Variants in FSIP2 observed in about 807,000 individuals in gnomAD.
FSIP2 encodes fibrous sheath interacting protein 2, also known as fibrous sheath-interacting protein 2.
In FSIP2, 367 loss-of-function variants were observed where a neutral mutation model predicts 510.5. The ratio of observed to expected loss-of-function variants is 0.72; its 90% CI spans 0.66 to 0.78. The LOEUF (loss-of-function observed/expected upper bound fraction) is 0.78. Ranked by LOEUF, FSIP2 falls within the 30% of genes least tolerant of loss-of-function variation. The pLI is 0.00. For missense variants in FSIP2, 7,594 were observed against 7,901.7 expected (o/e 0.96, Z 1.48); for synonymous variants, 2,601 against 2,732.2 (o/e 0.95, Z 1.50).
At position 185,788,795 on chromosome 2, in the gene FSIP2, A is replaced by AGAT. The variant is rs141318533; in HGVS notation, c.1660_1662dup (p.Asp554dup). The AGAT allele has an allele frequency of 0.012, 18,078 of 1,534,566 alleles. 128 individuals carry two copies. The highest frequency in any genetic ancestry group is 0.017 in the Middle Eastern group (102 of 5,986). ...TATCTGATGACTCCATCCTCTCTTC[A>AGAT]GATAGTTCAAGTTTCTGTAGCACGT... On this transcript the variant is annotated inframe_insertion, in exon 16 of 23. Coordinates refer to ENST00000424728, the MANE Select transcript of FSIP2 (RefSeq NM_173651.4).
At position 185,764,483 on chromosome 2, in the gene FSIP2, G is replaced by A; in HGVS notation, c.1348-19G>A. On this transcript the variant is annotated intron_variant, in intron 12 of 22. Transcript: ENST00000424728. ...TTTTTTTTGTGGATCTATTTGTTTT[G>A]CTGTTGTGAATTATGTAGAAGGAGA... The A allele has an allele frequency of 6.7e-7, 1 of 1,499,558 alleles. No individual in the cohort carries two copies. Among genetic ancestry groups the A allele is most frequent in the Non-Finnish European group, 8.9e-7 (1 of 1,120,496 alleles). 92.9% of individuals were successfully genotyped at this position (1,499,558 alleles called of 1,614,324 possible).
At chr2:185,798,300 C>T (rs891839982) in intron 16 of FSIP2, among the ~76,000 whole-genome samples, 1 of 151,804 alleles carries the variant, frequency 6.6e-6, no homozygotes, top group East Asian at 1.9e-4. Context: ...AATTGAATAT[C>T]TTGTTTTATT....
At chr2:185,760,934 T>A (rs970233984) in intron 9 of FSIP2, 54 bp from the exon 10 acceptor site, 22 of 586,870 alleles carry the variant, frequency 3.7e-5, no homozygotes, top group Middle Eastern at 7.6e-4. Flanking sequence ...TGTACTTTCC[T>A]AAAGCTGTTA....
intron 13 of FSIP2, among the ~76,000 whole-genome samples, chr2:185,767,719 C>A (rs543656747): frequency 2.4e-4 from 37 of 152,184 alleles, no homozygotes; most frequent in South Asian, 4.1e-4. Context: ...ACAGATAGAT[C>A]TATCTCTTGG....
Position 185,794,877 on chromosome 2 carries a change from C to G in FSIP2, c.7741C>G (p.Pro2581Ala). ...SDHNDSLLMK[P>A]LRFRETKQAG... ...CCACAATGATTCCTTACTAATGAAACCATTAAGGTTTAGAGAAACTAAACA... is the reference window on the plus strand; with the variant it reads ...CCACAATGATTCCTTACTAATGAAAGCATTAAGGTTTAGAGAAACTAAACA... The change falls in exon 16 of 23, where the codon CCA (proline) becomes GCA (alanine). Residue 2581 changes from proline to alanine, a missense_variant. Physicochemically the swap from Pro to Ala is conservative, Grantham distance 27. Transcript: ENST00000424728. The G allele has an allele frequency of 1.3e-6, 2 of 1,533,194 alleles. No individual in the cohort carries two copies. The highest frequency in any genetic ancestry group is 1.7e-6 in the Non-Finnish European group (2 of 1,144,876). The allele number at this position is 1,533,194 out of a possible 1,614,324, so 95.0% of individuals were successfully genotyped here. A position where few individuals can be genotyped will look rare whatever the true frequency, so the allele number is the denominator to read the frequency against.
At position 185,806,840 on chromosome 2, in the gene FSIP2, AG is replaced by A; in HGVS notation, c.17536del (p.Val5846PhefsTer39). On this transcript the variant is annotated frameshift_variant, in exon 17 of 23. Coordinates refer to ENST00000424728, the MANE Select transcript of FSIP2 (RefSeq NM_173651.4). LOFTEE classifies it high-confidence loss of function. ...AAGGAGTTCTCAGATGCTCAAATTA[AG>A]GTTTTCAGGCCAGATAAGGGAAATC... ...LLKEFSDAQIKVFRPDKGNQF... is the reference protein window; with the variant it reads ...LLKEFSDAQIXVFRPDKGNQF... 6.2e-7 allele frequency: 1 copy of A among 1,609,930 alleles called. No homozygotes were observed. Among genetic ancestry groups the A allele is most frequent in the Non-Finnish European group, 8.5e-7 (1 of 1,178,244 alleles).
At position 185,794,296 on chromosome 2, in the gene FSIP2, T is replaced by C; in HGVS notation, c.7160T>C (p.Ile2387Thr). ...YQNNILFQEN[I>T]IVSEIVDSML... The stretch of plus-strand genomic sequence containing the variant: ...AACAATATTTTGTTCCAAGAAAACA[T>C]CATTGTGAGTGAAATTGTTGACAGT... Residue 2387 changes from isoleucine (I) to threonine (T), a missense_variant, in exon 16 of 23, where the codon ATC (isoleucine) becomes ACC (threonine). Ile to Thr is a moderately conservative substitution (Grantham distance 89). Coordinates refer to ENST00000424728, the MANE Select transcript of FSIP2 (RefSeq NM_173651.4). 6.6e-7 allele frequency: 1 copy of C among 1,524,696 alleles called. No homozygotes were observed. The highest frequency in any genetic ancestry group is 8.8e-7 in the Non-Finnish European group (1 of 1,140,862). 94.4% of individuals were successfully genotyped at this position (1,524,696 alleles called of 1,614,324 possible). A position where few individuals can be genotyped will look rare whatever the true frequency, so the allele number is the denominator to read the frequency against.
rs781244504 is a variant in FSIP2 at position 185,794,247 on chromosome 2, A to G, written c.7111A>G (p.Ile2371Val). The G allele has an allele frequency of 2.6e-6, 4 of 1,533,954 alleles. No individual in the cohort carries two copies. Among genetic ancestry groups the G allele is most frequent in the East Asian group, 2.4e-5 (1 of 40,846 alleles). The change falls in exon 16 of 23, where the codon ATT (isoleucine) becomes GTT (valine). Residue 2371 changes from isoleucine to valine, a missense_variant. By Grantham distance (29) the Ile-to-Val change is conservative. Transcript: ENST00000424728. ...TATTAAAAATGACTTAGACTTAGAA[A>G]TTCAAAAGATATATCCATATCAAAA... ...KLIKNDLDLE[I>V]QKIYPYQNNI...
chr2:185,755,742 G>T (rs1325242778), intron 8 of FSIP2, among the ~76,000 whole-genome samples: 2 of 151,446 alleles, frequency 1.3e-5, no homozygotes, highest in Non-Finnish European at 3.0e-5. Flanking sequence ...AGGACCTTTT[G>T]CCACCTTAAT....
Position 185,803,547 on chromosome 2 carries a change from T to G in FSIP2, c.14241T>G (p.Leu4747=). ...TTGATTTCCAAATTCATCCAGATCT[T>G]ATAGCAAATCTGCCTTTTAAATCAC... is the stretch of plus-strand genomic sequence containing the variant. ...EIFDFQIHPD[L]IANLPFKSHS... The change falls in exon 17 of 23, where the codon CTT becomes CTG. Residue 4747 remains leucine, a synonymous_variant. Transcript: ENST00000424728. 1 of 1,533,180 alleles carries G rather than the reference T, an allele frequency of 6.5e-7. No individual in the cohort carries two copies. Among genetic ancestry groups the G allele is most frequent in the Non-Finnish European group, 8.7e-7 (1 of 1,144,962 alleles). 95.0% of individuals were successfully genotyped at this position (1,533,180 alleles called of 1,614,324 possible).
At chr2:185,772,135 C>T (rs1692618180) in intron 13 of FSIP2, among the ~76,000 whole-genome samples, 1 of 152,138 alleles carries the variant, frequency 6.6e-6, no homozygotes, top group Non-Finnish European at 1.5e-5. Flanking sequence ...CTGGACTTTG[C>T]TGTCTATATT....
chr2:185,788,674 A>C lies in FSIP2; in HGVS notation c.1538A>C (p.Gln513Pro), dbSNP rs1343308685. ...TCTGAAGAACTGAATATTATAATTC[A>C]GAATGTAATGACCTGGGTTGTGGCT... The part of the protein sequence containing the change: ...VTSEELNIII[Q>P]NVMTWVVATV... Residue 513 changes from glutamine to proline, a missense_variant, in exon 16 of 23, where the codon CAG becomes CCG. Coordinates refer to ENST00000424728, the MANE Select transcript of FSIP2 (RefSeq NM_173651.4). 7 of 1,519,842 alleles carry C rather than the reference A, an allele frequency of 4.6e-6. No individual in the cohort carries two copies. The highest frequency in any genetic ancestry group is 6.1e-6 in the Non-Finnish European group (7 of 1,140,566). The allele number at this position is 1,519,842 out of a possible 1,614,324, so 94.1% of individuals were successfully genotyped here.
upstream of FSIP2, among the ~76,000 whole-genome samples, chr2:185,737,526 G>A (rs1691808759): frequency 6.6e-6 from 1 of 152,168 alleles, no homozygotes; most frequent in South Asian, 2.1e-4. Context: ...ATAGAATCGG[G>A]CAAATTAATT....
At chr2:185,749,852 C>A (rs891102399) in intron 7 of FSIP2, among the ~76,000 whole-genome samples, 2 of 151,598 alleles carry the variant, frequency 1.3e-5, no homozygotes, top group African/African-American at 4.8e-5. Context: ...TTCTAGTTTG[C>A]TGAACATTTC....
Position 185,808,592 on chromosome 2 carries a change from T to C in FSIP2, c.19286T>C (p.Ile6429Thr). 1.2e-6 allele frequency: 2 copies of C among 1,609,648 alleles called. No individual in the cohort carries two copies. The highest frequency in any genetic ancestry group is 2.7e-5 in the African/African-American group (2 of 74,808). ...GTTGTCGATTCCGTTTATAGTAACA[T>C]ACTGCAACAATCAGGAACCAACAAA... The part of the protein sequence containing the change: ...YQVVDSVYSN[I>T]LQQSGTNKEF... The change falls in exon 17 of 23, where the codon ATA becomes ACA. Residue 6429 changes from isoleucine to threonine, a missense_variant. By Grantham distance (89) the Ile-to-Thr change is moderately conservative. Transcript: ENST00000424728.
At position 185,802,171 on chromosome 2, in the gene FSIP2, G is replaced by A. The variant is rs2105641032; in HGVS notation, c.12865G>A (p.Val4289Met). The change falls in exon 17 of 23, where the codon GTG (valine) becomes ATG (methionine). Residue 4289 changes from valine to methionine, a missense_variant. Transcript: ENST00000424728. The stretch of plus-strand genomic sequence containing the variant: ...TATTGTTACACAGGTTCTGAGTGAA[G>A]TGATAGAGTCACACAGACCTCAGAA... The part of the protein sequence containing the change: ...STIVTQVLSE[V>M]IESHRPQKQS... 1 of 1,533,268 alleles carries A rather than the reference G, an allele frequency of 6.5e-7. No homozygotes were observed. The highest frequency in any genetic ancestry group is 1.2e-5 in the South Asian group (1 of 83,930). 95.0% of individuals were successfully genotyped at this position (1,533,268 alleles called of 1,614,324 possible).
At chr2:185,813,327 A>C (rs887950201) in intron 17 of FSIP2, among the ~76,000 whole-genome samples, 1 of 151,992 alleles carries the variant, frequency 6.6e-6, no homozygotes, top group Non-Finnish European at 1.5e-5. Flanking sequence ...TATTAGATTA[A>C]GGTATGTAAT....
rs1225591490 is a variant in FSIP2, at chr2:185,789,339, G to A, written c.2203G>A (p.Val735Ile). 1.3e-6 allele frequency: 2 copies of A among 1,534,814 alleles called. No individual in the cohort carries two copies. The highest frequency in any genetic ancestry group is 2.7e-5 in the African/African-American group (2 of 72,942). The change falls in exon 16 of 23, where the codon GTT becomes ATT. Residue 735 changes from valine (V) to isoleucine (I), a missense_variant. Physicochemically the swap from Val to Ile is conservative, Grantham distance 29 (BLOSUM62 3). Coordinates refer to ENST00000424728, the MANE Select transcript of FSIP2 (RefSeq NM_173651.4). ...SLSSVTAEVF[V>I]EQCEREKEIL... ...CTCTTCTGTTACTGCTGAAGTTTTT[G>A]TTGAACAATGTGAACGTGAAAAAGA... is the stretch of plus-strand genomic sequence containing the variant.
In FSIP2 at chr2:185,805,120, T is replaced by C. The variant is rs1300673584; in HGVS notation, c.15814T>C (p.Tyr5272His). The change falls in exon 17 of 23, where the codon TAT becomes CAT. Residue 5272 changes from tyrosine to histidine, a missense_variant. Tyr to His is a moderately conservative substitution (Grantham distance 83). Transcript: ENST00000424728. The stretch of plus-strand genomic sequence containing the variant: ...TAAAGAAAAGACACAGCCTTCTCTC[T>C]ATTCAGCTACATTTTTGGAAGACAT... ...SGKEKTQPSL[Y>H]SATFLEDIII... 1.2e-6 allele frequency: 2 copies of C among 1,609,430 alleles called. No individual in the cohort carries two copies. The highest frequency in any genetic ancestry group is 2.2e-5 in the South Asian group (2 of 90,706).
Sources: allele counts gnomAD v4.1 joint callset (sites outside exome capture counted in the v4.1 genomes callset), GRCh38; gene constraint gnomAD v4.1.1; transcripts MANE v1.5; gene names NCBI Gene and HGNC (gene_info 2026-07-23, HGNC 2026-07-21).